The following CSMD1 variants were observed in gnomAD, a reference collection of about 807,000 sequenced individuals.
CSMD1 encodes CUB and sushi domain-containing protein 1.
CSMD1 carries 213 observed loss-of-function variants against 417.5 expected under a neutral mutation model. The observed-to-expected ratio is 0.51, with a 90% CI of 0.46 to 0.57. The LOEUF is 0.57. CSMD1 is among the 20% of genes least tolerant of loss of function. The probability of loss-of-function intolerance (pLI) is 0.00; values close to 1 mark genes in which losing one functional copy is unlikely to be tolerated. For synonymous variants in CSMD1, 2,862 were observed against 1,736.8 expected (o/e 1.65, Z -16.11); for missense variants, 6,923 against 4,529.7 (o/e 1.53, Z -15.17).
At chr8:4,797,454 G>C (rs1290721615) in intron 1 of CSMD1, among the ~76,000 whole-genome samples, 1 of 152,096 alleles carries the variant, frequency 6.6e-6, no homozygotes, top group Non-Finnish European at 1.5e-5. Context: ...CCAAATATAG[G>C]TCATGTTTTT....
chr8:2,962,424 A>T (rs1265659195), intron 61 of CSMD1, 42 bp downstream of exon 61: 1 of 1,562,516 alleles, frequency 6.4e-7, no homozygotes, highest in Non-Finnish European at 8.7e-7. Context: ...CCTCATCTCC[A>T]AATACTCCCA....
intron 3 of CSMD1, among the ~76,000 whole-genome samples, chr8:4,206,880 C>T (rs1017478217): frequency 6.6e-6 from 1 of 152,066 alleles, no homozygotes; most frequent in Non-Finnish European, 1.5e-5. Flanking sequence ...ATTATTTTTC[C>T]ATAGTTCAGA....
At chr8:4,248,487 T>C (rs375487596) in intron 3 of CSMD1, among the ~76,000 whole-genome samples, 3 of 152,204 alleles carry the variant, frequency 2.0e-5, no homozygotes, top group South Asian at 2.1e-4. Flanking sequence ...ACGAATACTT[T>C]TGAACTATTC....
At chr8:4,187,625 G>A (rs186780701) in intron 3 of CSMD1, among the ~76,000 whole-genome samples, 51 of 124,956 alleles carry the variant, frequency 4.1e-4, no homozygotes, top group East Asian at 2.1e-3. Context: ...GCAGTGAGCC[G>A]AGATTGCATC....
chr8:4,085,107 C>T (rs1213762991), intron 3 of CSMD1, among the ~76,000 whole-genome samples: 1 of 152,112 alleles, frequency 6.6e-6, no homozygotes, highest in Non-Finnish European at 1.5e-5. Context: ...ATTGGTCCAA[C>T]CAGTTGGACA....
intron 41 of CSMD1, among the ~76,000 whole-genome samples, chr8:3,142,018 C>G (rs1385116734): frequency 1.3e-5 from 2 of 152,062 alleles, no homozygotes; most frequent in East Asian, 3.9e-4. Context: ...AGGATGGTCT[C>G]GATCTCCTGA....
intron 1 of CSMD1, among the ~76,000 whole-genome samples, chr8:4,729,215 A>G (rs952757864): frequency 1.3e-4 from 20 of 152,318 alleles, no homozygotes; most frequent in Admixed American, 7.2e-4. Context: ...GTTTAAATAA[A>G]GAGGGCATTA....
intron 38 of CSMD1, among the ~76,000 whole-genome samples, chr8:3,160,482 C>A (rs994787312): frequency 6.6e-6 from 1 of 152,180 alleles, no homozygotes; most frequent in East Asian, 1.9e-4. Flanking sequence ...AAAGATTCAG[C>A]CTGAATAGCT....
At chr8:3,120,364 C>A (rs1337919761) in intron 41 of CSMD1, among the ~76,000 whole-genome samples, 1 of 152,160 alleles carries the variant, frequency 6.6e-6, no homozygotes, top group African/African-American at 2.4e-5. Flanking sequence ...AGACAGCAAC[C>A]AGGCAACGCA....
intron 5 of CSMD1, among the ~76,000 whole-genome samples, chr8:3,899,372 AG>A (rs1287518905): frequency 6.6e-6 from 1 of 152,210 alleles, no homozygotes; most frequent in Non-Finnish European, 1.5e-5. Flanking sequence ...CCTGGCACAA[AG>A]AGTGACTGAA....
chr8:3,048,255 T>A (rs62490538), intron 50 of CSMD1, among the ~76,000 whole-genome samples: 37,038 of 152,144 alleles, frequency 0.24, 5,166 homozygotes, highest in East Asian at 0.33. Flanking sequence ...GGAGATGTTA[T>A]TTTAATTAAT....
intron 3 of CSMD1, among the ~76,000 whole-genome samples, chr8:4,169,340 C>T (rs1415781894): frequency 6.6e-6 from 1 of 152,162 alleles, no homozygotes; most frequent in Admixed American, 6.5e-5. Context: ...TGCCTTCTTC[C>T]ATCTAGATAA....
At chr8:3,705,251 T>C (rs1188983421) in intron 7 of CSMD1, among the ~76,000 whole-genome samples, 1 of 152,144 alleles carries the variant, frequency 6.6e-6, no homozygotes, top group Non-Finnish European at 1.5e-5. Flanking sequence ...CAGAGGGACA[T>C]GAACGCACAA....
At chr8:4,725,763 T>G (rs1181713411) in intron 1 of CSMD1, among the ~76,000 whole-genome samples, 1 of 152,148 alleles carries the variant, frequency 6.6e-6, no homozygotes, top group Non-Finnish European at 1.5e-5. Context: ...AGCTGGTACC[T>G]TGAGTTACAC....
At chr8:3,991,578 G>A (rs562630490) in intron 5 of CSMD1, among the ~76,000 whole-genome samples, 1 of 152,296 alleles carries the variant, frequency 6.6e-6, no homozygotes, top group East Asian at 1.9e-4. Flanking sequence ...ACACGTAAGA[G>A]TAGCTAGTGA....
chr8:3,479,193 G>C (rs752204231), intron 11 of CSMD1, among the ~76,000 whole-genome samples: 4 of 152,294 alleles, frequency 2.6e-5, no homozygotes, highest in African/African-American at 7.2e-5. Context: ...AATAGGCTGA[G>C]ACCCACATGC....
At chr8:3,376,090 G>A (rs532251436) in intron 18 of CSMD1, among the ~76,000 whole-genome samples, 94 of 152,164 alleles carry the variant, frequency 6.2e-4, no homozygotes, top group Middle Eastern at 3.4e-3. Context: ...CTTTTGCTAT[G>A]CTGATAGATT....
chr8:3,155,030 C>A (rs1050242571), intron 39 of CSMD1, among the ~76,000 whole-genome samples: 1 of 152,184 alleles, frequency 6.6e-6, no homozygotes, highest in East Asian at 1.9e-4. Flanking sequence ...TAAAGAATTA[C>A]AGAAGTTGAC....
At chr8:4,337,654 C>T (rs1800247741) in intron 3 of CSMD1, among the ~76,000 whole-genome samples, 1 of 152,100 alleles carries the variant, frequency 6.6e-6, no homozygotes, top group African/African-American at 2.4e-5. Flanking sequence ...TGACTTACAG[C>T]AGATTATTCT....
Sources: gnomAD v4.1 joint callset for allele counts (sites outside exome capture counted in the v4.1 genomes callset) on GRCh38, gnomAD v4.1.1 for gene constraint, MANE v1.5 for transcripts, NCBI Gene and HGNC (gene_info 2026-07-23, HGNC 2026-07-21) for gene names.